The following MYT1L variants were observed in gnomAD, a reference collection of about 807,000 sequenced individuals.
The protein encoded by MYT1L is myelin transcription factor 1 like.
A neutral mutation model predicts 126.7 loss-of-function variants in MYT1L; 12 were observed. The ratio of observed to expected loss-of-function variants is 0.09; its 90% CI spans 0.06 to 0.15. The LOEUF is 0.15. Ranked by LOEUF, MYT1L falls within the 10% of genes least tolerant of loss-of-function variation. The pLI is 1.00. For missense variants in MYT1L, 979 were observed against 1,585.2 expected (o/e 0.62, Z 6.49); for synonymous variants, 541 against 604.2 (o/e 0.90, Z 1.53).
intron 4 of MYT1L, among the ~76,000 whole-genome samples, chr2:2,019,460 T>C (rs2064804841): frequency 6.6e-6 from 1 of 152,232 alleles, no homozygotes. Context: ...AACAGACTTA[T>C]ACAATGCCCA....
At chr2:1,933,913 G>A (rs546031720) in intron 9 of MYT1L, among the ~76,000 whole-genome samples, 1 of 151,442 alleles carries the variant, frequency 6.6e-6, no homozygotes, top group East Asian at 1.9e-4. Flanking sequence ...GGTTTGCCAT[G>A]TTGGCCAGCA....
chr2:2,200,818 G>A (rs2093039806), intron 2 of MYT1L, among the ~76,000 whole-genome samples: 1 of 152,180 alleles, frequency 6.6e-6, no homozygotes, highest in Admixed American at 6.5e-5. Flanking sequence ...TTGCTGAAGA[G>A]CTCTCACGCT....
chr2:2,057,710 C>G (rs567832629), intron 3 of MYT1L, among the ~76,000 whole-genome samples: 2 of 152,296 alleles, frequency 1.3e-5, no homozygotes, highest in South Asian at 4.2e-4. Flanking sequence ...ACTGTGCAAA[C>G]CTTGCAGATT....
chr2:1,863,551 C>T (rs1338010422), intron 18 of MYT1L, among the ~76,000 whole-genome samples: 1 of 138,420 alleles, frequency 7.2e-6, no homozygotes, highest in African/African-American at 2.6e-5. Flanking sequence ...AGTACTGTCC[C>T]GCGCCAGCCC....
At chr2:2,263,510 C>A (rs765996677) in intron 2 of MYT1L, among the ~76,000 whole-genome samples, 1 of 152,114 alleles carries the variant, frequency 6.6e-6, no homozygotes, top group Non-Finnish European at 1.5e-5. Flanking sequence ...GCCTTTTGCA[C>A]ACAGATACCA....
intron 3 of MYT1L, among the ~76,000 whole-genome samples, chr2:2,146,117 T>A (rs975322917): frequency 6.6e-6 from 1 of 152,254 alleles, no homozygotes; most frequent in Non-Finnish European, 1.5e-5. Flanking sequence ...CAGAAGTACA[T>A]AAATCTGTAA....
intron 2 of MYT1L, among the ~76,000 whole-genome samples, chr2:2,189,457 G>A (rs1040714925): frequency 3.3e-5 from 5 of 152,286 alleles, no homozygotes; most frequent in Admixed American, 3.3e-4. Flanking sequence ...GCTCTATTAA[G>A]ACACGCATGA....
intron 2 of MYT1L, among the ~76,000 whole-genome samples, chr2:2,209,439 A>G (rs992871391): frequency 2.0e-5 from 3 of 151,860 alleles, no homozygotes; most frequent in African/African-American, 4.8e-5. Context: ...CTTCTACTCT[A>G]TCTCCGTGAG....
At chr2:1,828,879 G>A (rs998036835) in intron 21 of MYT1L, among the ~76,000 whole-genome samples, 10 of 152,218 alleles carry the variant, frequency 6.6e-5, no homozygotes, top group African/African-American at 1.2e-4. Flanking sequence ...TATGGTGGAC[G>A]AGACTCTTAA....
At chr2:2,054,217 A>T (rs1302110819) in intron 3 of MYT1L, 94 bp from the exon 4 acceptor site, 4 of 152,656 alleles carry the variant, frequency 2.6e-5, no homozygotes, top group Admixed American at 2.6e-4. Flanking sequence ...TCTTTAATGC[A>T]TCTGCTGCAA....
chr2:2,089,950 C>T (rs1438524482), intron 3 of MYT1L, among the ~76,000 whole-genome samples: 2 of 152,202 alleles, frequency 1.3e-5, no homozygotes, highest in East Asian at 1.9e-4. Flanking sequence ...ACACACCAGA[C>T]ACAGCAGTTC....
intron 11 of MYT1L, among the ~76,000 whole-genome samples, chr2:1,916,080 C>A (rs1298769786): frequency 2.0e-5 from 3 of 152,118 alleles, no homozygotes; most frequent in Admixed American, 2.0e-4. Context: ...TTTTATGGCT[C>A]TTCAGGCTTG....
chr2:2,032,616 G>C (rs1414746111), intron 4 of MYT1L, among the ~76,000 whole-genome samples: 2 of 116,696 alleles, frequency 1.7e-5, no homozygotes, highest in East Asian at 2.8e-4. Flanking sequence ...CACACCCCTC[G>C]CAAGTGCCTC....
intron 21 of MYT1L, among the ~76,000 whole-genome samples, chr2:1,835,695 G>A (rs1480896724): frequency 1.3e-5 from 2 of 152,238 alleles, no homozygotes; most frequent in Middle Eastern, 3.4e-3. Flanking sequence ...GCTGGTCACC[G>A]GGCAAACACG....
At chr2:2,074,671 A>G (rs913154715) in intron 3 of MYT1L, among the ~76,000 whole-genome samples, 3 of 152,210 alleles carry the variant, frequency 2.0e-5, no homozygotes, top group African/African-American at 7.2e-5. Flanking sequence ...GGTGGACATG[A>G]GCTAAAATGA....
At chr2:2,318,594 A>C (rs978129043) in intron 1 of MYT1L, among the ~76,000 whole-genome samples, 6 of 152,226 alleles carry the variant, frequency 3.9e-5, no homozygotes, top group Non-Finnish European at 8.8e-5. Flanking sequence ...AACTATCTCC[A>C]TTCTTGTTCT....
intron 2 of MYT1L, among the ~76,000 whole-genome samples, chr2:2,174,507 C>G (rs1183942704): frequency 6.6e-6 from 1 of 152,194 alleles, no homozygotes; most frequent in Non-Finnish European, 1.5e-5. Context: ...CATTAATGCT[C>G]ACAATTCAGA....
chr2:2,110,976 C>T (rs1224104867), intron 3 of MYT1L, among the ~76,000 whole-genome samples: 1 of 152,192 alleles, frequency 6.6e-6, no homozygotes, highest in Admixed American at 6.5e-5. Context: ...GCCCTTCCAC[C>T]CCAGCACAGC....
chr2:2,055,760 A>G (rs1168288025), intron 3 of MYT1L, among the ~76,000 whole-genome samples: 1 of 152,214 alleles, frequency 6.6e-6, no homozygotes, highest in African/African-American at 2.4e-5. Context: ...AACAATCATA[A>G]TATTTTGCTT....
Sources: allele counts gnomAD v4.1 joint callset (sites outside exome capture counted in the v4.1 genomes callset), GRCh38; gene constraint gnomAD v4.1.1; transcripts MANE v1.5; gene names NCBI Gene and HGNC (gene_info 2026-07-23, HGNC 2026-07-21).